The following LRRC1 variants were observed in gnomAD, a reference collection of about 807,000 sequenced individuals.
LRRC1 encodes the protein leucine-rich repeat-containing protein 1.
In LRRC1, 28 loss-of-function variants were observed where a neutral mutation model predicts 69.9. The observed-to-expected ratio is 0.40, with a 90% confidence interval of 0.30 to 0.55. The LOEUF is 0.55. Among genes scored for constraint, LRRC1 ranks in the 20% least tolerant of loss-of-function variants. The probability of loss-of-function intolerance (pLI) is 0.47; values close to 1 mark genes in which losing one functional copy is unlikely to be tolerated. For missense variants in LRRC1, 498 were observed against 609.0 expected (o/e 0.82, Z 1.92); for synonymous variants, 236 against 240.2 (o/e 0.98, Z 0.16).
intron 2 of LRRC1, among the ~76,000 whole-genome samples, chr6:53,864,121 C>T (rs959926728): frequency 6.6e-6 from 1 of 152,124 alleles, no homozygotes; most frequent in Non-Finnish European, 1.5e-5. Context: ...GCCAGGCCCA[C>T]GTCTGTCTTA....
At chr6:53,810,774 T>A (rs1175002650) in intron 1 of LRRC1, among the ~76,000 whole-genome samples, 2 of 152,222 alleles carry the variant, frequency 1.3e-5, no homozygotes, top group African/African-American at 4.8e-5. Context: ...TAATTTTCTG[T>A]CACTCAGTGA....
chr6:53,804,296 CAT>C lies in LRRC1; in HGVS notation c.159+8883_159+8884del, dbSNP rs142402436. 1.7e-3 allele frequency among the ~76,000 whole-genome samples: 262 copies of C among 152,172 alleles called. 2 individuals carry two copies. The highest frequency in any genetic ancestry group is 6.0e-3 in the African/African-American group (248 of 41,522). On this transcript the variant is annotated intron_variant, in intron 1 of 13. Transcript: ENST00000370888. Reference sequence around the variant, plus strand: ...AATTGTATACATGTATATGGTATAACATAGTGTTTTGATACATGTGTACATTG... The same window carrying C: ...AATTGTATACATGTATATGGTATAACAGTGTTTTGATACATGTGTACATTG...
chr6:53,836,141 G>T (rs567286896), intron 1 of LRRC1, among the ~76,000 whole-genome samples: 1 of 152,342 alleles, frequency 6.6e-6, no homozygotes, highest in South Asian at 2.1e-4. Flanking sequence ...AGGAGCTCTA[G>T]CTGGCAGCTG....
intron 2 of LRRC1, among the ~76,000 whole-genome samples, chr6:53,872,752 C>CTTTTTTTTTT (rs537186693): frequency 9.4e-6 from 1 of 106,404 alleles, no homozygotes; most frequent in Non-Finnish European, 1.9e-5. Context: ...TTTCTTTTCT[C>CTTTTTTTTTT]TTTTTTTTTT....
intron 2 of LRRC1, 128 bp from the exon 3 acceptor site, chr6:53,878,865 A>G: frequency 1.8e-6 from 1 of 563,006 alleles, no homozygotes; most frequent in East Asian, 2.9e-5. Context: ...AATACTTTAT[A>G]AGTCTAGGTC....
At chr6:53,862,335 G>A (rs555607360) in intron 2 of LRRC1, among the ~76,000 whole-genome samples, 4 of 149,406 alleles carry the variant, frequency 2.7e-5, no homozygotes, top group African/African-American at 9.9e-5. Context: ...GTATGTTTAT[G>A]TATATAGTTT....
chr6:53,807,089 T>C (rs1200441432), intron 1 of LRRC1, among the ~76,000 whole-genome samples: 1 of 152,214 alleles, frequency 6.6e-6, no homozygotes, highest in East Asian at 1.9e-4. Flanking sequence ...ATTAGAAATA[T>C]CTATGGGTCA....
At chr6:53,864,313 G>A (rs1004271068) in intron 2 of LRRC1, among the ~76,000 whole-genome samples, 1 of 152,044 alleles carries the variant, frequency 6.6e-6, no homozygotes, top group African/African-American at 2.4e-5. Context: ...TCCCCACACT[G>A]CTCATCCACC....
intron 7 of LRRC1, among the ~76,000 whole-genome samples, chr6:53,898,416 A>G (rs1767940773): frequency 6.6e-6 from 1 of 152,244 alleles, no homozygotes; most frequent in South Asian, 2.1e-4. Flanking sequence ...TTATCAGGAA[A>G]GTAATAAAAT....
chr6:53,827,461 C>G (rs1317355901), intron 1 of LRRC1, among the ~76,000 whole-genome samples: 2 of 152,118 alleles, frequency 1.3e-5, no homozygotes, highest in Non-Finnish European at 2.9e-5. Context: ...TCATTAATCT[C>G]TTGAAGGAGC....
At chr6:53,803,502 T>A (rs73741371) in intron 1 of LRRC1, among the ~76,000 whole-genome samples, 1 of 152,312 alleles carries the variant, frequency 6.6e-6, no homozygotes, top group African/African-American at 2.4e-5. Flanking sequence ...TAACTTTCTC[T>A]TGGGTATGAT....
intron 13 of LRRC1, among the ~76,000 whole-genome samples, chr6:53,921,261 C>T (rs1260936584): frequency 1.3e-5 from 2 of 152,196 alleles, no homozygotes; most frequent in Non-Finnish European, 1.5e-5. Flanking sequence ...AGCCACTGTG[C>T]CCGGCCTGTT....
intron 3 of LRRC1, 67 bp from the exon 4 acceptor site, chr6:53,882,820 A>C: frequency 1.1e-6 from 1 of 883,418 alleles, no homozygotes; most frequent in Non-Finnish European, 1.8e-6. Context: ...CATTATATTT[A>C]TGCTTGGTAT....
chr6:53,921,128 C>T lies in LRRC1; in HGVS notation c.1416+367C>T, dbSNP rs532633354. On this transcript the variant is annotated intron_variant, in intron 13 of 13. Transcript: ENST00000370888. ...GACTGCAGGCACCTGCCACCATGAC[C>T]GGCTAATTTTTGTATTTTTTGTAGA... 2.4e-4 allele frequency among the ~76,000 whole-genome samples: 37 copies of T among 152,086 alleles called. No individual in the cohort carries two copies. The South Asian group carries it at 6.0e-3, about 25-fold the overall frequency.
chr6:53,801,165 T>C (rs1764473962), intron 1 of LRRC1, among the ~76,000 whole-genome samples: 1 of 152,044 alleles, frequency 6.6e-6, no homozygotes. Context: ...TAGACAAAAG[T>C]GTTGGGTAGC....
At position 53,842,987 on chromosome 6, in the gene LRRC1, G is replaced by A. The variant is rs1451200199; in HGVS notation, c.277+760G>A. Among the ~76,000 whole-genome samples, 5 of 152,122 alleles carry A rather than the reference G, an allele frequency of 3.3e-5. No homozygotes were observed. In the East Asian group the frequency reaches 9.6e-4, roughly 29 times the overall value. ...AATGGGTACCTTGGTTTAACCCTCA[G>A]TTTTATACCCCTTAGAGTGCTTCCC... On this transcript the variant is annotated intron_variant, in intron 2 of 13. Coordinates refer to ENST00000370888, the MANE Select transcript of LRRC1 (RefSeq NM_018214.5).
intron 2 of LRRC1, among the ~76,000 whole-genome samples, chr6:53,875,924 A>G (rs969481687): frequency 6.6e-6 from 1 of 152,140 alleles, no homozygotes; most frequent in African/African-American, 2.4e-5. Flanking sequence ...ACCCATTTGA[A>G]ACTATATATT....
chr6:53,848,409 A>G (rs1766016477), intron 2 of LRRC1, among the ~76,000 whole-genome samples: 1 of 152,224 alleles, frequency 6.6e-6, no homozygotes, highest in Non-Finnish European at 1.5e-5. Context: ...TCACCTTTCC[A>G]TTCTGCAAAT....
intron 1 of LRRC1, among the ~76,000 whole-genome samples, chr6:53,814,908 C>T (rs1170585541): frequency 1.3e-5 from 2 of 152,094 alleles, no homozygotes; most frequent in Non-Finnish European, 2.9e-5. Flanking sequence ...GTGAATGTGG[C>T]TGTGTGGTGG....
Sources: gnomAD v4.1 joint callset for allele counts (sites outside exome capture counted in the v4.1 genomes callset) on GRCh38, gnomAD v4.1.1 for gene constraint, MANE v1.5 for transcripts, NCBI Gene and HGNC (gene_info 2026-07-23, HGNC 2026-07-21) for gene names.